PHF14: variants seen among roughly 807,000 people sequenced by gnomAD.
The protein encoded by PHF14 is PHD finger protein 14.
PHF14 carries 55 observed loss-of-function variants against 117.9 expected under a neutral mutation model. That is an observed-to-expected ratio of 0.47 (90% CI 0.38 to 0.58). The LOEUF (loss-of-function observed/expected upper bound fraction) is 0.58. PHF14 is among the 20% of genes least tolerant of loss of function. The pLI is 0.00. For missense variants in PHF14, 978 were observed against 1,122.2 expected, an observed-to-expected ratio of 0.87 and a Z score of 1.84; for synonymous variants, 409 against 368.6, an observed-to-expected ratio of 1.11 and a Z score of -1.26.
chr7:10,979,298 G>A (rs1380234071), intron 2 of PHF14, among the ~76,000 whole-genome samples: 1 of 151,940 alleles, frequency 6.6e-6, no homozygotes, highest in Non-Finnish European at 1.5e-5. Context: ...ACTCAGAGGA[G>A]TTTTTAAAAA....
intron 2 of PHF14, 29 bp downstream of exon 2, chr7:10,974,974 C>G: frequency 8.8e-7 from 1 of 1,133,270 alleles, no homozygotes; most frequent in East Asian, 2.5e-5. Flanking sequence ...CTTCCCCTTT[C>G]CCAGCTTTCT....
At chr7:11,050,111 T>C (rs1448236459) in intron 13 of PHF14, among the ~76,000 whole-genome samples, 1 of 152,194 alleles carries the variant, frequency 6.6e-6, no homozygotes, top group Non-Finnish European at 1.5e-5. Context: ...AAATGGTACT[T>C]GGTATTTAAC....
chr7:11,166,933 CA>C (rs1239105497), intron 17 of PHF14, among the ~76,000 whole-genome samples: 1 of 152,056 alleles, frequency 6.6e-6, no homozygotes, highest in Non-Finnish European at 1.5e-5. Flanking sequence ...AATTCAACAA[CA>C]AAAAGACAAA....
chr7:10,979,571 G>A (rs1359324718), intron 2 of PHF14, among the ~76,000 whole-genome samples: 1 of 130,730 alleles, frequency 7.6e-6, no homozygotes, highest in East Asian at 2.2e-4. Flanking sequence ...TTTTTTTTTG[G>A]AACATAGCAC....
intron 17 of PHF14, among the ~76,000 whole-genome samples, chr7:11,153,954 T>G (rs536744730): frequency 6.6e-6 from 1 of 151,858 alleles, no homozygotes; most frequent in Non-Finnish European, 1.5e-5. Context: ...TGTGCGTGTG[T>G]GTGTGTGTGT....
At chr7:11,066,493 T>G (rs2128331257) in intron 16 of PHF14, among the ~76,000 whole-genome samples, 1 of 152,368 alleles carries the variant, frequency 6.6e-6, no homozygotes, top group Admixed American at 6.5e-5. Flanking sequence ...AATAATTCTT[T>G]GCTTAGGTCC....
intron 16 of PHF14, chr7:11,107,148 T>C: frequency 1.0e-6 from 1 of 984,608 alleles, no homozygotes; most frequent in Admixed American, 6.2e-5. Flanking sequence ...ATACTGACTT[T>C]TGGCCTCTTA....
intron 16 of PHF14, among the ~76,000 whole-genome samples, chr7:11,071,681 C>G (rs1233241439): frequency 2.6e-5 from 4 of 152,114 alleles, no homozygotes; most frequent in African/African-American, 7.2e-5. Context: ...TTCATAGCCC[C>G]CATTTCCAGC....
At chr7:11,038,942 G>T in intron 11 of PHF14, 87 bp downstream of exon 11, 1 of 546,266 alleles carries the variant, frequency 1.8e-6, no homozygotes, top group South Asian at 3.2e-5. Flanking sequence ...ACTGTCATTT[G>T]ACTAACCGAA....
chr7:11,002,460 CGG>C (rs1782910557), intron 4 of PHF14, among the ~76,000 whole-genome samples: 1 of 55,812 alleles, frequency 1.8e-5, no homozygotes, highest in Non-Finnish European at 6.7e-5. Context: ...ATTTTTGAGA[CGG>C]AGTTTTGCTC....
chr7:11,127,790 C>A (rs938453080), intron 17 of PHF14, among the ~76,000 whole-genome samples: 1 of 152,032 alleles, frequency 6.6e-6, no homozygotes, highest in African/African-American at 2.4e-5. Context: ...CAGTGCATAT[C>A]TTTAAAAATG....
At chr7:11,098,790 G>A (rs1003877008) in intron 16 of PHF14, among the ~76,000 whole-genome samples, 1 of 152,124 alleles carries the variant, frequency 6.6e-6, no homozygotes, top group Non-Finnish European at 1.5e-5. Flanking sequence ...TAAATGCTTT[G>A]TATTCTTGTT....
chr7:10,988,201 CATG>C (rs774244161), intron 3 of PHF14, among the ~76,000 whole-genome samples: 1 of 152,032 alleles, frequency 6.6e-6, no homozygotes, highest in African/African-American at 2.4e-5. Context: ...AGCCTCAAGT[CATG>C]AGGATCAGAG....
At chr7:11,072,512 T>C (rs1443637282) in intron 16 of PHF14, among the ~76,000 whole-genome samples, 1 of 152,214 alleles carries the variant, frequency 6.6e-6, no homozygotes, top group African/African-American at 2.4e-5. Context: ...ACCTTCATTA[T>C]CTATAAAATA....
At chr7:11,013,510 A>T (rs1783424397) in intron 4 of PHF14, among the ~76,000 whole-genome samples, 1 of 152,148 alleles carries the variant, frequency 6.6e-6, no homozygotes, top group African/African-American at 2.4e-5. Context: ...CCCACCTTTA[A>T]TGCTTTTACA....
At chr7:11,007,877 T>C (rs1434789548) in intron 4 of PHF14, among the ~76,000 whole-genome samples, 1 of 152,236 alleles carries the variant, frequency 6.6e-6, no homozygotes, top group Admixed American at 6.5e-5. Flanking sequence ...ATTTCGCTTA[T>C]TGAATTTATA....
intron 6 of PHF14, among the ~76,000 whole-genome samples, chr7:11,027,516 C>G (rs531322924): frequency 9.2e-5 from 14 of 151,814 alleles, no homozygotes; most frequent in Non-Finnish European, 1.5e-4. Context: ...CTAGCTAATT[C>G]CCCCTTTTTC....
At chr7:11,020,801 A>T (rs928966758) in intron 5 of PHF14, among the ~76,000 whole-genome samples, 1 of 152,204 alleles carries the variant, frequency 6.6e-6, no homozygotes, top group Admixed American at 6.5e-5. Flanking sequence ...TATGTAAATG[A>T]ACAACCTCCT....
At chr7:11,006,331 C>T in intron 4 of PHF14, 1 of 422,454 alleles carries the variant, frequency 2.4e-6, no homozygotes, top group Non-Finnish European at 4.6e-6. Flanking sequence ...TTTTCTTAGT[C>T]ATTTCTTTTC....
Sources: gnomAD v4.1 joint callset for allele counts (sites outside exome capture counted in the v4.1 genomes callset) on GRCh38, gnomAD v4.1.1 for gene constraint, MANE v1.5 for transcripts, NCBI Gene and HGNC (gene_info 2026-07-23, HGNC 2026-07-21) for gene names.